Variants in ACTN4 observed in about 807,000 individuals in gnomAD.
The protein encoded by ACTN4 is alpha-actinin-4.
ACTN4 carries 18 observed loss-of-function variants against 114.2 expected under a neutral mutation model. The observed-to-expected ratio is 0.16, with a 90% confidence interval of 0.11 to 0.23. ACTN4 has a LOEUF of 0.23. Among genes scored for constraint, ACTN4 ranks in the 10% least tolerant of loss-of-function variants. The pLI is 1.00. For missense variants in ACTN4, 722 were observed against 1,262.9 expected, an observed-to-expected ratio of 0.57 and a Z score of 6.49; for synonymous variants, 515 against 506.3, an observed-to-expected ratio of 1.02 and a Z score of -0.23.
chr19:38,725,578 T>G, intron 16 of ACTN4, 146 bp from the exon 17 acceptor site: 1 of 807,440 alleles, frequency 1.2e-6, no homozygotes. Flanking sequence ...GCAGTGGGCC[T>G]TCCCTCCCAG....
At chr19:38,674,318 T>TTGAA (rs1967306864) in intron 1 of ACTN4, among the ~76,000 whole-genome samples, 1 of 152,002 alleles carries the variant, frequency 6.6e-6, no homozygotes. Context: ...GCAGTGTGAG[T>TTGAA]TGAAGTCAGA....
chr19:38,669,525 T>G (rs1233693568), intron 1 of ACTN4, among the ~76,000 whole-genome samples: 1 of 152,150 alleles, frequency 6.6e-6, no homozygotes, highest in Non-Finnish European at 1.5e-5. Context: ...GCATGCTGTT[T>G]TTACTTAGAG....
chr19:38,677,121 T>C (rs912905528), intron 1 of ACTN4, among the ~76,000 whole-genome samples: 3 of 152,084 alleles, frequency 2.0e-5, no homozygotes, highest in African/African-American at 4.8e-5. Context: ...TCCTCATTCT[T>C]CAGATGGCAG....
chr19:38,708,213 C>T lies in ACTN4; in HGVS notation c.651+18C>T. 1 of 1,613,312 alleles carries T rather than the reference C, an allele frequency of 6.2e-7. No individual in the cohort carries two copies. The highest frequency in any genetic ancestry group is 8.5e-7 in the Non-Finnish European group (1 of 1,179,360). ...TGAGGAAGGTGAGTGTCTCCAGCTC[C>T]CCTTGATGGCCCACAGACGTGCCCT... On this transcript the variant is annotated intron_variant, in intron 6 of 20. Transcript: ENST00000252699.
chr19:38,675,275 G>C (rs1158456371), intron 1 of ACTN4, among the ~76,000 whole-genome samples: 2 of 152,214 alleles, frequency 1.3e-5, no homozygotes, highest in Non-Finnish European at 2.9e-5. Flanking sequence ...CTTGGGTGTT[G>C]CTTTCTTGGT....
intron 1 of ACTN4, among the ~76,000 whole-genome samples, chr19:38,665,841 C>T (rs3810341): frequency 0.5 from 75,990 of 152,018 alleles, 20,685 homozygotes; most frequent in Non-Finnish European, 0.61. Context: ...GCTCTTTCCC[C>T]GGGTTCCCTT....
chr19:38,715,661 T>C (rs1238944972), intron 9 of ACTN4, among the ~76,000 whole-genome samples: 1 of 152,172 alleles, frequency 6.6e-6, no homozygotes, highest in Non-Finnish European at 1.5e-5. Flanking sequence ...GTTACGGATG[T>C]TTTAAAAAGA....
intron 5 of ACTN4, among the ~76,000 whole-genome samples, chr19:38,707,872 C>T (rs1349734179): frequency 1.3e-5 from 2 of 152,192 alleles, no homozygotes; most frequent in Admixed American, 1.3e-4. Flanking sequence ...GATGTGGAAA[C>T]CGAGATAGCC....
Position 38,718,088 on chromosome 19 carries a change from C to T in ACTN4, c.1291+14C>T. 1.3e-6 allele frequency: 2 copies of T among 1,595,274 alleles called. No homozygotes were observed. The highest frequency in any genetic ancestry group is 1.7e-6 in the Non-Finnish European group (2 of 1,170,598). ...CCTGGACTGACGGTACGGCCCAGCTCTGCCCCACTCTGCCCAGCCCCGCTC... is the reference window on the plus strand; with the variant it reads ...CCTGGACTGACGGTACGGCCCAGCTTTGCCCCACTCTGCCCAGCCCCGCTC... On this transcript the variant is annotated intron_variant, in intron 11 of 20. Transcript: ENST00000252699.
At chr19:38,710,796 T>C (rs1599837022) in intron 8 of ACTN4, 1 of 303,968 alleles carries the variant, frequency 3.3e-6, no homozygotes, top group Admixed American at 4.5e-5. Context: ...AGGCAGAGGG[T>C]GAAGCACTAC....
intron 1 of ACTN4, among the ~76,000 whole-genome samples, chr19:38,698,933 G>T (rs1968178863): frequency 6.6e-6 from 1 of 152,222 alleles, no homozygotes; most frequent in Admixed American, 6.5e-5. Context: ...TGCTTGGTCA[G>T]AGCCCCCGTA....
At chr19:38,709,259 C>G (rs1968561777) in intron 6 of ACTN4, 136 bp from the exon 7 acceptor site, 1 of 749,908 alleles carries the variant, frequency 1.3e-6, no homozygotes, top group Non-Finnish European at 2.4e-6. Flanking sequence ...ACACATCACA[C>G]GTGGCTGAGA....
At chr19:38,721,951 T>TC in intron 12 of ACTN4, 2 of 559,942 alleles carry the variant, frequency 3.6e-6, no homozygotes, top group Non-Finnish European at 6.5e-6. Flanking sequence ...TCTTGATTCT[T>TC]CAGGCTTTAG....
intron 12 of ACTN4, among the ~76,000 whole-genome samples, chr19:38,722,392 T>C (rs546911399): frequency 6.6e-6 from 1 of 152,210 alleles, no homozygotes; most frequent in African/African-American, 2.4e-5. Context: ...AACTGCTCTT[T>C]CCACCGACAC....
At chr19:38,657,899 A>G (rs1012694598) in intron 1 of ACTN4, among the ~76,000 whole-genome samples, 2 of 152,202 alleles carry the variant, frequency 1.3e-5, no homozygotes, top group African/African-American at 4.8e-5. Flanking sequence ...CAGTATGTGT[A>G]ACGGTTAACA....
At position 38,717,111 on chromosome 19, in the gene ACTN4, TC is replaced by T; in HGVS notation, c.942del (p.Trp315GlyfsTer88). The T allele has an allele frequency of 6.2e-7, 1 of 1,613,950 alleles. No homozygotes were observed. The highest frequency in any genetic ancestry group is 8.5e-7 in the Non-Finnish European group (1 of 1,179,984). ...CTCCTGGAGTGGATCCGGCGCACCA[TC>T]CCCTGGCTGGAGGACCGTGTGCCCC... ...SDLLEWIRRT[I>X]PWLEDRVPQK... On this transcript the variant is annotated frameshift_variant, in exon 10 of 21. Transcript: ENST00000252699. LOFTEE classifies it high-confidence loss of function. This position sits in a 1 kb window ranked among gnomAD's most constrained non-coding sequence, Gnocchi z 4.0.
At chr19:38,663,654 C>T (rs1056499106) in intron 1 of ACTN4, among the ~76,000 whole-genome samples, 3 of 152,238 alleles carry the variant, frequency 2.0e-5, no homozygotes, top group South Asian at 2.1e-4. Context: ...TCGAACATTT[C>T]TTAGCTGCCT....
At chr19:38,696,462 G>A (rs574765370) in intron 1 of ACTN4, among the ~76,000 whole-genome samples, 8 of 152,130 alleles carry the variant, frequency 5.3e-5, no homozygotes, top group South Asian at 2.1e-4. Context: ...CCCACGCAGC[G>A]TAGTCTAAAC....
intron 1 of ACTN4, among the ~76,000 whole-genome samples, chr19:38,687,532 A>G (rs2144944645): frequency 6.6e-6 from 1 of 152,376 alleles, no homozygotes; most frequent in South Asian, 2.1e-4. Flanking sequence ...TGGGGGAAAG[A>G]ATAGTGTTTT....
Sources: allele counts gnomAD v4.1 joint callset (sites outside exome capture counted in the v4.1 genomes callset), GRCh38; gene constraint gnomAD v4.1.1; non-coding constraint Gnocchi (gnomAD v3.1); transcripts MANE v1.5; gene names NCBI Gene and HGNC (gene_info 2026-07-23, HGNC 2026-07-21).